Variants in WIF1 observed in about 807,000 individuals in gnomAD.
WIF1 encodes the protein Wnt inhibitory factor 1.
A neutral mutation model predicts 53.5 loss-of-function variants in WIF1; 35 were observed. The ratio of observed to expected loss-of-function variants is 0.65; its 90% confidence interval spans 0.50 to 0.87. The LOEUF (loss-of-function observed/expected upper bound fraction) is 0.87. WIF1 is among the 40% of genes least tolerant of loss of function. The pLI is 0.00. For synonymous variants in WIF1, 171 were observed against 170.4 expected, an observed-to-expected ratio of 1.00 and a Z score of -0.03; for missense variants, 467 against 476.8, an observed-to-expected ratio of 0.98 and a Z score of 0.19.
chr12:65,081,813 A>G (rs976726923), intron 2 of WIF1, among the ~76,000 whole-genome samples: 8 of 151,966 alleles, frequency 5.3e-5, no homozygotes, highest in African/African-American at 1.9e-4. Context: ...TGTGGTTTTC[A>G]TTGCCTCTTT....
Position 65,051,115 on chromosome 12 carries a change from A to T in WIF1, c.*234T>A. The T allele has an allele frequency of 2.6e-6, 1 of 387,068 alleles. No individual in the cohort carries two copies. The highest frequency in any genetic ancestry group is 4.4e-6 in the Non-Finnish European group (1 of 226,294). 24.0% of individuals were successfully genotyped at this position (387,068 alleles called of 1,614,324 possible). ...AAATTTTAACCTGATCAATTGACAT[A>T]ATATAAAATCTGTCCCAAAGCACTG... On this transcript the variant is annotated 3_prime_UTR_variant, in exon 10 of 10. Transcript: ENST00000286574.
intron 7 of WIF1, among the ~76,000 whole-genome samples, chr12:65,057,035 A>G (rs1197103564): frequency 6.6e-6 from 1 of 152,214 alleles, no homozygotes; most frequent in African/African-American, 2.4e-5. Flanking sequence ...TTCCCCAGAA[A>G]GCAGGATCTG....
chr12:65,081,363 A>G (rs892056430), intron 2 of WIF1, among the ~76,000 whole-genome samples: 10 of 152,306 alleles, frequency 6.6e-5, no homozygotes, highest in African/African-American at 2.4e-4. Context: ...AGAATATGGA[A>G]CTGAAAAAAT....
chr12:65,075,181 C>T (rs537307863), intron 3 of WIF1, among the ~76,000 whole-genome samples: 32 of 152,280 alleles, frequency 2.1e-4, no homozygotes, highest in Admixed American at 1.8e-3. Flanking sequence ...TCTACACCCA[C>T]GATGACACTT....
chr12:65,081,686 C>CAGTT (rs1398024147), intron 2 of WIF1, among the ~76,000 whole-genome samples: 3 of 152,028 alleles, frequency 2.0e-5, no homozygotes, highest in Non-Finnish European at 4.4e-5. Context: ...CAGCAAAAGG[C>CAGTT]AGTTACCAGA....
chr12:65,119,589 TTAATTA>T (rs1402664371), intron 2 of WIF1, among the ~76,000 whole-genome samples: 1 of 150,692 alleles, frequency 6.6e-6, no homozygotes, highest in Non-Finnish European at 1.5e-5. Context: ...AAATGTGGTT[TTAATTA>T]TAATTATAAT....
chr12:65,120,543 ATCT>A lies in WIF1; in HGVS notation c.159_161del (p.Glu53del). 1 of 1,609,724 alleles carries A rather than the reference ATCT, an allele frequency of 6.2e-7. No individual in the cohort carries two copies. The highest frequency in any genetic ancestry group is 8.5e-7 in the Non-Finnish European group (1 of 1,178,980). ...TTTTCCCCTCTGAAACAATCAGGAT[ATCT>A]TCTTCAAATCCTGGTTTTTAAAATA... is the stretch of plus-strand genomic sequence containing the variant. On this transcript the variant is annotated inframe_deletion, in exon 2 of 10. Coordinates refer to ENST00000286574, the MANE Select transcript of WIF1 (RefSeq NM_007191.5).
At chr12:65,116,804 G>A (rs1883517930) in intron 2 of WIF1, among the ~76,000 whole-genome samples, 2 of 151,598 alleles carry the variant, frequency 1.3e-5, no homozygotes, top group Admixed American at 6.6e-5. Flanking sequence ...ATGGTGGCAC[G>A]TGCCTGTAAT....
intron 2 of WIF1, among the ~76,000 whole-genome samples, chr12:65,093,521 T>A (rs1020574326): frequency 6.6e-6 from 1 of 152,198 alleles, no homozygotes; most frequent in Non-Finnish European, 1.5e-5. Context: ...GTACTTGTAA[T>A]TCCTGTTCCT....
chr12:65,065,002 T>C (rs1380879568), intron 6 of WIF1, among the ~76,000 whole-genome samples: 1 of 152,228 alleles, frequency 6.6e-6, no homozygotes, highest in Non-Finnish European at 1.5e-5. Flanking sequence ...GCAGAGACAC[T>C]GAATGCTAAA....
At chr12:65,052,042 G>A (rs113228200) in intron 9 of WIF1, among the ~76,000 whole-genome samples, 37 of 152,244 alleles carry the variant, frequency 2.4e-4, no homozygotes, top group African/African-American at 8.4e-4. Context: ...TGGTCAAGGT[G>A]GGCATCTATC....
chr12:65,114,506 G>A (rs185419226), intron 2 of WIF1, among the ~76,000 whole-genome samples: 2 of 152,178 alleles, frequency 1.3e-5, no homozygotes, highest in Non-Finnish European at 2.9e-5. Context: ...TCCAGACAAA[G>A]TTCTTAAGCC....
At chr12:65,071,212 C>A (rs1882767543) in intron 3 of WIF1, among the ~76,000 whole-genome samples, 1 of 116,868 alleles carries the variant, frequency 8.6e-6, no homozygotes. Context: ...CCAGCCTGGG[C>A]AACAGAGCAA....
chr12:65,115,040 A>T (rs1202692062), intron 2 of WIF1, among the ~76,000 whole-genome samples: 1 of 152,104 alleles, frequency 6.6e-6, no homozygotes, highest in Non-Finnish European at 1.5e-5. Flanking sequence ...GATTATCATC[A>T]CCCAGAGAAT....
chr12:65,069,562 G>A (rs894251967), intron 3 of WIF1, among the ~76,000 whole-genome samples: 8 of 152,134 alleles, frequency 5.3e-5, no homozygotes, highest in African/African-American at 1.9e-4. Flanking sequence ...CATATCTCAG[G>A]CATCTAGAAG....
At chr12:65,052,486 C>A (rs996761029) in intron 9 of WIF1, among the ~76,000 whole-genome samples, 8 of 152,142 alleles carry the variant, frequency 5.3e-5, no homozygotes, top group African/African-American at 1.9e-4. Flanking sequence ...CTCCAGTATC[C>A]TCCTCCCCAC....
chr12:65,060,032 A>AC (rs574326139), intron 7 of WIF1, among the ~76,000 whole-genome samples: 24 of 151,814 alleles, frequency 1.6e-4, no homozygotes, highest in Admixed American at 3.9e-4. Flanking sequence ...TTAAAAAAAA[A>AC]ACAAAAAACA....
Position 65,050,815 on chromosome 12 carries a change from A to ATTT in WIF1, c.*531_*533dup. ...GTTTAAATGCCACTACCACAGTGTA[A>ATTT]TTTTTTTTTTTTTAATACTGAATCT... On this transcript the variant is annotated 3_prime_UTR_variant, in exon 10 of 10. Coordinates refer to ENST00000286574, the MANE Select transcript of WIF1 (RefSeq NM_007191.5). 1.1e-5 allele frequency: 2 copies of ATTT among 182,050 alleles called. No individual in the cohort carries two copies. Among genetic ancestry groups the ATTT allele is most frequent in the Non-Finnish European group, 2.3e-5 (2 of 87,504 alleles). 11.3% of individuals were successfully genotyped at this position (182,050 alleles called of 1,614,324 possible).
At chr12:65,120,300 C>G in intron 2 of WIF1, 117 bp downstream of exon 2, 1 of 1,072,750 alleles carries the variant, frequency 9.3e-7, no homozygotes, top group East Asian at 2.6e-5. Context: ...CTTTGGCAAT[C>G]AGATGAGAAA....
Sources: gnomAD v4.1 joint callset for allele counts (sites outside exome capture counted in the v4.1 genomes callset) on GRCh38, gnomAD v4.1.1 for gene constraint, MANE v1.5 for transcripts, NCBI Gene and HGNC (gene_info 2026-07-23, HGNC 2026-07-21) for gene names.